LRP5: variants seen among roughly 807,000 people sequenced by gnomAD.
LRP5 encodes the protein LDL receptor related protein 5.
LRP5 carries 62 observed loss-of-function variants against 154.1 expected under a neutral mutation model. That is an observed-to-expected ratio of 0.40 (90% confidence interval 0.33 to 0.50). The LOEUF is 0.50. LRP5 is among the 20% of genes least tolerant of loss of function. The pLI is 0.55. For missense variants in LRP5, 1,915 were observed against 2,336.7 expected, an observed-to-expected ratio of 0.82 and a Z score of 3.72; for synonymous variants, 966 against 1,011.5, an observed-to-expected ratio of 0.96 and a Z score of 0.85.
intron 14 of LRP5, among the ~76,000 whole-genome samples, chr11:68,424,269 T>TGGCG (rs542340950): frequency 6.6e-6 from 1 of 152,106 alleles, no homozygotes; most frequent in African/African-American, 2.4e-5. Context: ...CTCAGATAGC[T>TGGCG]GGGGGGCTGG....
intron 1 of LRP5, among the ~76,000 whole-genome samples, chr11:68,327,295 G>C (rs1169322087): frequency 6.6e-6 from 1 of 152,192 alleles, no homozygotes; most frequent in Non-Finnish European, 1.5e-5. Flanking sequence ...GCTTGTCCTG[G>C]AGCACAGGAC....
chr11:68,390,012 G>A lies in LRP5; in HGVS notation c.1544G>A (p.Gly515Glu). 2 of 1,614,246 alleles carry A rather than the reference G, an allele frequency of 1.2e-6. No individual in the cohort carries two copies. The highest frequency in any genetic ancestry group is 1.1e-5 in the South Asian group (1 of 91,092). Residue 515 changes from glycine to glutamate, a missense_variant, in exon 7 of 23, where the codon GGG (glycine) becomes GAG (glutamate). Gly to Glu is a moderately conservative substitution (Grantham distance 98). This residue lies in a region of LRP5 where 773 missense variants were observed against 1,100.9 expected (regional missense o/e 0.70). Transcript: ENST00000294304. ...GGCCTGGCCCTGGACCTGCAGGAGG[G>A]GAAGCTCTACTGGGGAGACGCCAAG... Reference protein sequence around the residue: ...PNGLALDLQEGKLYWGDAKTD... With the variant: ...PNGLALDLQEEKLYWGDAKTD...
intron 1 of LRP5, among the ~76,000 whole-genome samples, chr11:68,342,334 C>T (rs1478149967): frequency 1.3e-5 from 2 of 152,164 alleles, no homozygotes; most frequent in East Asian, 3.9e-4. Flanking sequence ...GGCTCCTTTC[C>T]CCTTTGGAGA....
intron 11 of LRP5, among the ~76,000 whole-genome samples, chr11:68,412,652 A>G (rs1469672008): frequency 2.6e-5 from 4 of 151,754 alleles, no homozygotes; most frequent in African/African-American, 9.7e-5. Flanking sequence ...CCAAAAAAAA[A>G]AAAAGAAGAA....
chr11:68,393,038 G>A (rs945799670), intron 7 of LRP5, among the ~76,000 whole-genome samples: 4 of 151,950 alleles, frequency 2.6e-5, no homozygotes, highest in Non-Finnish European at 5.9e-5. Flanking sequence ...GCTGAGGTGG[G>A]AGGATCGCTT....
At position 68,386,286 on chromosome 11, in the gene LRP5, C is replaced by T; in HGVS notation, c.1016-30C>T. The T allele has an allele frequency of 6.2e-7, 1 of 1,608,094 alleles. No individual in the cohort carries two copies. Among genetic ancestry groups the T allele is most frequent in the South Asian group, 1.1e-5 (1 of 91,070 alleles). ...ACTTGTGCCTGCTGCAGGCCCTTGA[C>T]CCCTGACCCCATTGCACCTGTCTCC... On this transcript the variant is annotated intron_variant, in intron 5 of 22. Transcript: ENST00000294304. This position sits in a 1 kb window ranked among gnomAD's most constrained non-coding sequence, Gnocchi z 7.9.
rs1214917863 is a variant in LRP5, at chr11:68,386,823, A to C, written c.1412+111A>C. 1 of 1,288,510 alleles carries C rather than the reference A, an allele frequency of 7.8e-7. No individual in the cohort carries two copies. Among genetic ancestry groups the C allele is most frequent in the African/African-American group, 1.5e-5 (1 of 67,526 alleles). The allele number at this position is 1,288,510 out of a possible 1,614,324, so 79.8% of individuals were successfully genotyped here. A position where few individuals can be genotyped will look rare whatever the true frequency, so the allele number is the denominator to read the frequency against. ...GACACTGTCTTGCATCAGAACCCGGAGGAGGGCTTGTTAAAACACCGGCAG... is the reference window on the plus strand; with the variant it reads ...GACACTGTCTTGCATCAGAACCCGGCGGAGGGCTTGTTAAAACACCGGCAG... On this transcript the variant is annotated intron_variant, in intron 6 of 22. Coordinates refer to ENST00000294304, the MANE Select transcript of LRP5 (RefSeq NM_002335.4). This position sits in a 1 kb window ranked among gnomAD's most constrained non-coding sequence, Gnocchi z 7.9.
intron 5 of LRP5, among the ~76,000 whole-genome samples, chr11:68,370,240 C>G (rs557278568): frequency 1.3e-5 from 2 of 152,110 alleles, no homozygotes; most frequent in Non-Finnish European, 2.9e-5. Context: ...ACTGGCTGCT[C>G]GTGGCTGAGC....
chr11:68,368,640 T>A (rs775395223), intron 5 of LRP5, among the ~76,000 whole-genome samples: 19 of 152,176 alleles, frequency 1.2e-4, no homozygotes, highest in Non-Finnish European at 1.0e-4. Context: ...GGTCTCTTAC[T>A]CTCTTGGTGT....
At chr11:68,345,984 G>T (rs1231486729) in intron 1 of LRP5, among the ~76,000 whole-genome samples, 1 of 152,166 alleles carries the variant, frequency 6.6e-6, no homozygotes, top group Non-Finnish European at 1.5e-5. Flanking sequence ...AGAAATGTCT[G>T]TTCAAGTTGT....
At chr11:68,372,907 G>A (rs1041585889) in intron 5 of LRP5, among the ~76,000 whole-genome samples, 1 of 152,092 alleles carries the variant, frequency 6.6e-6, no homozygotes, top group African/African-American at 2.4e-5. Context: ...AAGGTCAGGA[G>A]GGGGGCAGGG....
chr11:68,318,245 G>A (rs1282435328), intron 1 of LRP5, among the ~76,000 whole-genome samples: 2 of 151,298 alleles, frequency 1.3e-5, no homozygotes, highest in African/African-American at 4.9e-5. Context: ...TAGTAGAGAC[G>A]GGGTTTCACC....
chr11:68,446,655 C>T, intron 22 of LRP5, 122 bp downstream of exon 22: 1 of 843,378 alleles, frequency 1.2e-6, no homozygotes, highest in Non-Finnish European at 2.0e-6. Flanking sequence ...AGGTGCCGGG[C>T]CCAGCCCTGC....
chr11:68,444,567 C>G (rs1370256058), intron 21 of LRP5, among the ~76,000 whole-genome samples: 1 of 90,938 alleles, frequency 1.1e-5, no homozygotes, highest in African/African-American at 4.6e-5. Context: ...CTCCCCAGCC[C>G]CCACCCCCCA....
intron 5 of LRP5, among the ~76,000 whole-genome samples, chr11:68,366,111 C>CT (rs1399379720): frequency 6.6e-6 from 1 of 152,152 alleles, no homozygotes; most frequent in Non-Finnish European, 1.5e-5. Flanking sequence ...TGCAGCTCGC[C>CT]TTCGGGGATG....
intron 16 of LRP5, 82 bp from the exon 17 acceptor site, chr11:68,429,485 TGAGTTCTC>T: frequency 6.4e-7 from 1 of 1,553,794 alleles, no homozygotes; most frequent in Non-Finnish European, 8.9e-7. Context: ...CCAGTTCTCA[TGAGTTCTC>T]ATTTGGCCCC....
chr11:68,379,036 ACT>A (rs956697280), intron 5 of LRP5, among the ~76,000 whole-genome samples: 9 of 151,616 alleles, frequency 5.9e-5, no homozygotes, highest in Non-Finnish European at 1.2e-4. Flanking sequence ...ACAGAGCGAG[ACT>A]CTGTCTCAAA....
At chr11:68,362,605 C>T (rs149231536) in intron 3 of LRP5, among the ~76,000 whole-genome samples, 2,242 of 151,460 alleles carry the variant, frequency 0.015, 38 homozygotes, top group African/African-American at 0.044. Context: ...GTGGGAGAAT[C>T]GCTTGAACCT....
In LRP5 at chr11:68,447,369, C is replaced by T. The variant is rs2098682011; in HGVS notation, c.4586+836C>T. On this transcript the variant is annotated intron_variant, in intron 22 of 22. Coordinates refer to ENST00000294304, the MANE Select transcript of LRP5 (RefSeq NM_002335.4). This position sits in a 1 kb window ranked among gnomAD's most constrained non-coding sequence, Gnocchi z 4.3. The stretch of plus-strand genomic sequence containing the variant: ...TGCTTGGGTCCCTGGAGCAGCAGGG[C>T]CTCCCGAGTGTGGTGCCGCCTGCCA... Among the ~76,000 whole-genome samples the T allele has an allele frequency of 6.6e-6, 1 of 152,202 alleles. No homozygotes were observed. Among genetic ancestry groups the T allele is most frequent in the Non-Finnish European group, 1.5e-5 (1 of 68,028 alleles).
Sources: allele counts gnomAD v4.1 joint callset (sites outside exome capture counted in the v4.1 genomes callset), GRCh38; gene constraint gnomAD v4.1.1; regional missense constraint gnomAD v4.1.1; non-coding constraint Gnocchi (gnomAD v3.1); transcripts MANE v1.5; gene names NCBI Gene and HGNC (gene_info 2026-07-23, HGNC 2026-07-21).